PCBP3: variants seen among roughly 807,000 people sequenced by gnomAD.
PCBP3 encodes poly(rC)-binding protein 3.
In PCBP3, 25 loss-of-function variants were observed where a neutral mutation model predicts 52.7. The ratio of observed to expected loss-of-function variants is 0.47; its 90% confidence interval spans 0.35 to 0.66. The LOEUF (loss-of-function observed/expected upper bound fraction) is 0.66, where lower values mean the gene tolerates loss of function less well. Among genes scored for constraint, PCBP3 ranks in the 30% least tolerant of loss-of-function variants. The pLI, the probability that PCBP3 is intolerant of heterozygous loss-of-function variation, is 0.01. For missense variants in PCBP3, 391 were observed against 490.3 expected (o/e 0.80, Z 1.91); for synonymous variants, 162 against 183.0 (o/e 0.89, Z 0.93).
intron 1 of PCBP3, among the ~76,000 whole-genome samples, chr21:45,654,732 A>G (rs189044155): frequency 1.5e-4 from 23 of 152,346 alleles, no homozygotes; most frequent in African/African-American, 5.1e-4. Flanking sequence ...TATAATTCAC[A>G]CACTATAAAA....
intron 4 of PCBP3, among the ~76,000 whole-genome samples, chr21:45,799,146 AAG>A (rs543978895): frequency 2.8e-4 from 42 of 152,364 alleles, no homozygotes; most frequent in Non-Finnish European, 5.4e-4. Context: ...GAGAGAGTGA[AAG>A]TGTGCATGGA....
At chr21:45,730,597 G>A (rs1049951105) in intron 2 of PCBP3, among the ~76,000 whole-genome samples, 1 of 152,134 alleles carries the variant, frequency 6.6e-6, no homozygotes, top group African/African-American at 2.4e-5. Context: ...CTGATCTTCT[G>A]TGTAGGTTTT....
chr21:45,810,197 C>G (rs1161467384), intron 4 of PCBP3, among the ~76,000 whole-genome samples: 2 of 150,050 alleles, frequency 1.3e-5, no homozygotes, highest in African/African-American at 4.9e-5. Flanking sequence ...GGTGTAAACC[C>G]TACTTGGTCG....
At chr21:45,923,457 T>C (rs1335833822) in intron 13 of PCBP3, among the ~76,000 whole-genome samples, 1 of 152,184 alleles carries the variant, frequency 6.6e-6, no homozygotes, top group Non-Finnish European at 1.5e-5. Context: ...GTTCCATCTT[T>C]CCTTGCTTGG....
At chr21:45,764,884 C>G (rs1009975102) in intron 4 of PCBP3, among the ~76,000 whole-genome samples, 6 of 152,142 alleles carry the variant, frequency 3.9e-5, no homozygotes, top group Non-Finnish European at 8.8e-5. Flanking sequence ...GGGGCTATGC[C>G]GGAGAAGCTT....
In PCBP3 at chr21:45,791,792, T is replaced by A. The variant is rs534297009; in HGVS notation, c.-126+36340T>A. On this transcript the variant is annotated intron_variant, in intron 4 of 17. Transcript: ENST00000681687. The surrounding 1 kb of genome is among the most constrained non-coding windows in gnomAD (Gnocchi z 4.2). Reference sequence around the variant, plus strand: ...GCAAGTGTTAGGTCGTGGCACAGGGTAATTACAGACAACAGAGAAATTGCA... The same window carrying A: ...GCAAGTGTTAGGTCGTGGCACAGGGAAATTACAGACAACAGAGAAATTGCA... Among the ~76,000 whole-genome samples, 2 of 152,294 alleles carry A rather than the reference T, an allele frequency of 1.3e-5. No homozygotes were observed. The highest frequency in any genetic ancestry group is 6.8e-3 in the Middle Eastern group (2 of 294).
intron 13 of PCBP3, among the ~76,000 whole-genome samples, chr21:45,921,452 A>T (rs1212370127): frequency 6.6e-6 from 1 of 152,156 alleles, no homozygotes. Flanking sequence ...TAAAATATGC[A>T]TGTGTTTTCT....
chr21:45,851,134 G>A (rs2093980826), intron 5 of PCBP3, among the ~76,000 whole-genome samples: 1 of 152,230 alleles, frequency 6.6e-6, no homozygotes, highest in South Asian at 2.1e-4. Flanking sequence ...GCAGAAATCA[G>A]TGAAATAGAG....
At chr21:45,914,260 C>A in intron 12 of PCBP3, 1 of 629,580 alleles carries the variant, frequency 1.6e-6, no homozygotes, top group Non-Finnish European at 2.6e-6. Context: ...CTCCCTGACC[C>A]GGGCAGGAAG....
chr21:45,778,403 T>A (rs2090406140), intron 4 of PCBP3, among the ~76,000 whole-genome samples: 1 of 152,122 alleles, frequency 6.6e-6, no homozygotes, highest in African/African-American at 2.4e-5. Context: ...TGGGCCTCCA[T>A]GTGTCTTGCT....
intron 16 of PCBP3, among the ~76,000 whole-genome samples, chr21:45,938,472 A>G (rs949674936): frequency 5.9e-5 from 9 of 152,198 alleles, no homozygotes; most frequent in African/African-American, 1.9e-4. Context: ...AGCCCTTCAG[A>G]TCTCTCTGCC....
chr21:45,873,659 G>A (rs192807662), intron 5 of PCBP3, among the ~76,000 whole-genome samples: 42 of 152,338 alleles, frequency 2.8e-4, no homozygotes, highest in Admixed American at 1.2e-3. Context: ...TCACCTGCCC[G>A]TGCAGGGGAC....
At chr21:45,863,678 CT>C (rs1569357231) in intron 5 of PCBP3, among the ~76,000 whole-genome samples, 1 of 152,236 alleles carries the variant, frequency 6.6e-6, no homozygotes, top group East Asian at 1.9e-4. Flanking sequence ...CTCATCTTGT[CT>C]AAACGGGGAG....
chr21:45,769,196 C>A (rs2089641879), intron 4 of PCBP3, among the ~76,000 whole-genome samples: 1 of 152,244 alleles, frequency 6.6e-6, no homozygotes, highest in Non-Finnish European at 1.5e-5. Context: ...CAGGGCCCCA[C>A]AAGACACTGT....
rs150925643 is a variant in PCBP3, at chr21:45,646,373, A to G, written c.-279+2505A>G. ...TAGGTGGGAGTTTTGTTGCTTGAGT[A>G]TGGGCATCAAGTAACAAATCACTGA... On this transcript the variant is annotated intron_variant, in intron 1 of 17. Transcript: ENST00000681687. Among the ~76,000 whole-genome samples, 9 of 152,186 alleles carry G rather than the reference A, an allele frequency of 5.9e-5. No individual in the cohort carries two copies. The East Asian group carries it at 1.4e-3, about 23-fold the overall frequency.
chr21:45,757,755 C>T (rs1037012250), intron 4 of PCBP3, among the ~76,000 whole-genome samples: 1 of 152,124 alleles, frequency 6.6e-6, no homozygotes, highest in Admixed American at 6.5e-5. Context: ...ATTCAGTTGT[C>T]ACAGCACTCC....
chr21:45,683,807 TTCCAGCTAC>T (rs2081993558), intron 2 of PCBP3, among the ~76,000 whole-genome samples: 1 of 151,974 alleles, frequency 6.6e-6, no homozygotes. Flanking sequence ...GCGCCTGTAG[TTCCAGCTAC>T]TCGGGAGGCT....
chr21:45,909,764 C>A (rs2096296425), intron 10 of PCBP3, among the ~76,000 whole-genome samples: 1 of 119,744 alleles, frequency 8.4e-6, no homozygotes, highest in Non-Finnish European at 1.8e-5. Flanking sequence ...AGATACGGAC[C>A]CCCCCCACCC....
chr21:45,662,205 T>C (rs1008008059), intron 1 of PCBP3, among the ~76,000 whole-genome samples: 19 of 151,824 alleles, frequency 1.3e-4, no homozygotes, highest in African/African-American at 4.6e-4. Context: ...CCTCCCAGGC[T>C]CAAGTGATCC....
Sources: gnomAD v4.1 joint callset for allele counts (sites outside exome capture counted in the v4.1 genomes callset) on GRCh38, gnomAD v4.1.1 for gene constraint, Gnocchi (gnomAD v3.1) non-coding constraint, MANE v1.5 for transcripts, NCBI Gene and HGNC (gene_info 2026-07-23, HGNC 2026-07-21) for gene names.